DUSP13B: variants seen among roughly 807,000 people sequenced by gnomAD.
The protein encoded by DUSP13B is dual specificity phosphatase 13B, also known as dual specificity protein phosphatase 13B.
At chr10:75,103,282 G>A in the DUSP13B span, among the ~76,000 whole-genome samples, 3 of 152,248 alleles carry the variant, frequency 2.0e-5, no homozygotes, top group Admixed American at 6.5e-5. Context: ...GGCCAAGGCC[G>A]ATGGGACAGG....
At chr10:75,100,690 C>G in the DUSP13B span, among the ~76,000 whole-genome samples, 4 of 152,218 alleles carry the variant, frequency 2.6e-5, no homozygotes, top group South Asian at 2.1e-4. Context: ...CTGCCTCCCC[C>G]GCTCAGCAGA....
chr10:75,098,085 T>A, the DUSP13B span, among the ~76,000 whole-genome samples: 1 of 152,214 alleles, frequency 6.6e-6, no homozygotes, highest in Admixed American at 6.5e-5. Flanking sequence ...GAATCAAGCC[T>A]TTGTCACTGC....
chr10:75,102,436 C>G, the DUSP13B span, among the ~76,000 whole-genome samples: 4 of 151,726 alleles, frequency 2.6e-5, no homozygotes, highest in Non-Finnish European at 4.4e-5. Flanking sequence ...GGGCGAGACT[C>G]CGTCTCAAAA....
At chr10:75,094,581 C>T in the DUSP13B span, 1 of 1,398,402 alleles carries the variant, frequency 7.2e-7, no homozygotes, top group Non-Finnish European at 9.7e-7. Context: ...TTGCTGTTTA[C>T]ATCTCAGGGT....
the DUSP13B span, chr10:75,099,169 G>C: frequency 8.1e-7 from 1 of 1,231,350 alleles, no homozygotes. Context: ...CTGGTGCCGT[G>C]TTGGAGAGGG....
the DUSP13B span, among the ~76,000 whole-genome samples, chr10:75,097,481 A>G: frequency 2.6e-5 from 4 of 152,228 alleles, no homozygotes; most frequent in Non-Finnish European, 5.9e-5. Flanking sequence ...AAGTGCTGGG[A>G]TTACAGGCGT....
chr10:75,099,039 C>T, the DUSP13B span: 1 of 1,232,484 alleles, frequency 8.1e-7, no homozygotes, highest in Non-Finnish European at 1.0e-6. Flanking sequence ...ACCCCCACGA[C>T]TCAGGCCAGC....
At chr10:75,095,860 G>A in the DUSP13B span, 1 of 1,535,346 alleles carries the variant, frequency 6.5e-7, no homozygotes, top group Non-Finnish European at 9.0e-7. Flanking sequence ...GCTCTGGCTG[G>A]GTTGAAGTTT....
At chr10:75,104,057 G>C in the DUSP13B span, 17 of 1,361,168 alleles carry the variant, frequency 1.2e-5, no homozygotes, top group Non-Finnish European at 1.6e-5. Context: ...TGCCAGGGTG[G>C]CAAAGTGGCA....
At chr10:75,101,757 C>T in the DUSP13B span, 2 of 690,848 alleles carry the variant, frequency 2.9e-6, no homozygotes, top group Non-Finnish European at 2.3e-6. Flanking sequence ...GGTTCTCTAC[C>T]CAACCCAAAC....
chr10:75,102,909 G>A, the DUSP13B span, among the ~76,000 whole-genome samples: 7 of 152,124 alleles, frequency 4.6e-5, no homozygotes, highest in African/African-American at 9.7e-5. Flanking sequence ...CTGAGATCAC[G>A]CCATTGCACT....
At chr10:75,101,461 A>G in the DUSP13B span, among the ~76,000 whole-genome samples, 1 of 151,996 alleles carries the variant, frequency 6.6e-6, no homozygotes, top group Non-Finnish European at 1.5e-5. Context: ...GTATTTCTTG[A>G]TATTTCTTTC....
the DUSP13B span, among the ~76,000 whole-genome samples, chr10:75,098,365 T>A: frequency 6.6e-6 from 1 of 152,144 alleles, no homozygotes; most frequent in African/African-American, 2.4e-5. Context: ...CCTCCCACTT[T>A]CAGGGGCTTG....
At chr10:75,095,144 G>A in the DUSP13B span, among the ~76,000 whole-genome samples, 1 of 152,200 alleles carries the variant, frequency 6.6e-6, no homozygotes, top group African/African-American at 2.4e-5. Flanking sequence ...TGGGCCAGGG[G>A]AAGGGGGTTT....
At chr10:75,101,434 A>G in the DUSP13B span, among the ~76,000 whole-genome samples, 5 of 152,004 alleles carry the variant, frequency 3.3e-5, no homozygotes, top group Non-Finnish European at 7.4e-5. Context: ...GGACAGTGAG[A>G]TTTCTTCTCT....
the DUSP13B span, chr10:75,103,748 G>A: frequency 1.7e-6 from 1 of 578,114 alleles, no homozygotes; most frequent in Admixed American, 3.7e-5. Flanking sequence ...GCCCTGAGGG[G>A]AGCTGCTGGA....
At chr10:75,100,414 C>G in the DUSP13B span, among the ~76,000 whole-genome samples, 2 of 152,156 alleles carry the variant, frequency 1.3e-5, no homozygotes, top group Admixed American at 1.3e-4. Context: ...GAGTCAGGCC[C>G]GGCCACCCCC....
chr10:75,105,617 C>A, the DUSP13B span: 2 of 1,527,240 alleles, frequency 1.3e-6, no homozygotes, highest in Non-Finnish European at 1.8e-6. Flanking sequence ...CTCACCTGGC[C>A]TCTTCCGGCC....
At chr10:75,097,660 G>GT in the DUSP13B span, 1 of 1,466,578 alleles carries the variant, frequency 6.8e-7, no homozygotes, top group South Asian at 1.5e-5. Context: ...CCATTCCCGT[G>GT]TGAACCTCAC....
Sources: gnomAD v4.1 joint callset for allele counts (sites outside exome capture counted in the v4.1 genomes callset) on GRCh38, gnomAD v4.1.1 for gene constraint, MANE v1.5 for transcripts, NCBI Gene and HGNC (gene_info 2026-07-23, HGNC 2026-07-21) for gene names.